GNAO1: variants seen among roughly 807,000 people sequenced by gnomAD.
GNAO1 encodes the protein guanine nucleotide-binding protein G(o) subunit alpha.
For missense variants in GNAO1, 166 were observed against 478.7 expected, an observed-to-expected ratio of 0.35 and a Z score of 6.10; for synonymous variants, 164 against 180.7, an observed-to-expected ratio of 0.91 and a Z score of 0.74.
intron 2 of GNAO1, among the ~76,000 whole-genome samples, chr16:56,245,338 C>A (rs1277236280): frequency 6.6e-6 from 1 of 152,156 alleles, no homozygotes; most frequent in Admixed American, 6.5e-5. Flanking sequence ...CCTGACGTTC[C>A]ATTTGATTCA....
At chr16:56,284,951 C>T (rs1028068019) in intron 3 of GNAO1, among the ~76,000 whole-genome samples, 1 of 152,346 alleles carries the variant, frequency 6.6e-6, no homozygotes, top group South Asian at 2.1e-4. Flanking sequence ...ACAGCGGTGG[C>T]TCAGCCTGGA....
At chr16:56,197,681 A>G (rs1468527029) in intron 2 of GNAO1, among the ~76,000 whole-genome samples, 1 of 152,232 alleles carries the variant, frequency 6.6e-6, no homozygotes, top group Non-Finnish European at 1.5e-5. Flanking sequence ...CTATGTGTGA[A>G]CAGGGCTGGA....
At chr16:56,312,204 G>A (rs773671818) in intron 3 of GNAO1, among the ~76,000 whole-genome samples, 6 of 152,368 alleles carry the variant, frequency 3.9e-5, no homozygotes, top group Non-Finnish European at 7.3e-5. Flanking sequence ...GGGCTCCGGA[G>A]TCAGGCGGCT....
intron 2 of GNAO1, among the ~76,000 whole-genome samples, chr16:56,256,085 A>C (rs2036843527): frequency 6.6e-6 from 1 of 152,128 alleles, no homozygotes; most frequent in Non-Finnish European, 1.5e-5. Context: ...AGGACTTTGA[A>C]GCATGTTGTG....
At chr16:56,313,674 A>G (rs1017095873) in intron 3 of GNAO1, among the ~76,000 whole-genome samples, 18 of 152,310 alleles carry the variant, frequency 1.2e-4, no homozygotes, top group South Asian at 6.2e-4. Context: ...GGCAAATGGT[A>G]GTTTATTAAA....
Position 56,354,347 on chromosome 16 carries a change from A to C in GNAO1, c.878-519A>C, listed in dbSNP as rs1019413369. ...TGCTCAGCCTGTGTATGGTTGGTGCAAAAGTAATTGCAGTAATTGCAGTTT... is the reference window on the plus strand; with the variant it reads ...TGCTCAGCCTGTGTATGGTTGGTGCCAAAGTAATTGCAGTAATTGCAGTTT... On this transcript the variant is annotated intron_variant, in intron 7 of 8. Transcript: ENST00000262493. This position sits in a 1 kb window ranked among gnomAD's most constrained non-coding sequence, Gnocchi z 4.3. Among the ~76,000 whole-genome samples the C allele has an allele frequency of 7.3e-6, 1 of 136,672 alleles. No individual in the cohort carries two copies. The highest frequency in any genetic ancestry group is 2.5e-4 in the South Asian group (1 of 4,032). The allele number at this position is 136,672 out of a possible 152,430, so 89.7% of individuals were successfully genotyped here.
At chr16:56,322,354 C>A (rs1404078449) in intron 3 of GNAO1, among the ~76,000 whole-genome samples, 1 of 152,174 alleles carries the variant, frequency 6.6e-6, no homozygotes, top group Non-Finnish European at 1.5e-5. Flanking sequence ...GGGGCCGTAG[C>A]AGAAAGAATG....
At chr16:56,214,658 A>G (rs1482920715) in intron 2 of GNAO1, among the ~76,000 whole-genome samples, 1 of 152,202 alleles carries the variant, frequency 6.6e-6, no homozygotes, top group African/African-American at 2.4e-5. Context: ...TGGGAGTACC[A>G]ATTTCTGTCT....
intron 6 of GNAO1, chr16:56,344,362 G>C (rs1404560040): frequency 1.4e-5 from 14 of 1,035,928 alleles, no homozygotes; most frequent in African/African-American, 1.7e-5. Flanking sequence ...GGCAGGGTGG[G>C]GTCATAGGAG....
In GNAO1 at chr16:56,334,858, G is replaced by A; in HGVS notation, c.593+1G>A. Reference sequence around the variant, plus strand: ...TCACATTCAAGAACCTCCACTTCAGGTGAGGCCCAGAGAGGCCCCCAGGCC... The same window carrying A: ...TCACATTCAAGAACCTCCACTTCAGATGAGGCCCAGAGAGGCCCCCAGGCC... On this transcript the variant is annotated splice_donor_variant, in intron 5 of 8. Transcript: ENST00000262493. LOFTEE classifies it high-confidence loss of function. The A allele has an allele frequency of 6.2e-7, 1 of 1,613,780 alleles. No individual in the cohort carries two copies. Among genetic ancestry groups the A allele is most frequent in the East Asian group, 2.2e-5 (1 of 44,892 alleles).
intron 6 of GNAO1, chr16:56,346,192 C>T: frequency 1.0e-6 from 1 of 985,442 alleles, no homozygotes. Context: ...GAGAAATTCT[C>T]TCCCTGTGCA....
At chr16:56,297,555 GTGTGTGTGTGTGTGTGTATGCA>G (rs2143574962) in intron 3 of GNAO1, among the ~76,000 whole-genome samples, 1 of 151,882 alleles carries the variant, frequency 6.6e-6, no homozygotes, top group Non-Finnish European at 1.5e-5. Context: ...GTGTGTGTGT[GTGTGTGTGTGTGTGTGTATGCA>G]TGTGTTTAAA....
At chr16:56,212,550 A>G (rs2036399467) in intron 2 of GNAO1, among the ~76,000 whole-genome samples, 1 of 152,220 alleles carries the variant, frequency 6.6e-6, no homozygotes, top group Non-Finnish European at 1.5e-5. Flanking sequence ...AAACGACCAG[A>G]TTTGTCACAA....
Position 56,269,416 on chromosome 16 carries a change from C to T in GNAO1, c.162-6515C>T, listed in dbSNP as rs1184258867. Among the ~76,000 whole-genome samples, 10 of 152,260 alleles carry T rather than the reference C, an allele frequency of 6.6e-5. No individual in the cohort carries two copies. The East Asian group carries it at 1.5e-3, about 24-fold the overall frequency. ...GACGCGGGACGCCTGACTGACTGCA[C>T]GTTCTCCCCCGTCCCTCGTACCAAG... On this transcript the variant is annotated intron_variant, in intron 2 of 8. Coordinates refer to ENST00000262493, the MANE Select transcript of GNAO1 (RefSeq NM_020988.3).
At chr16:56,344,389 C>T (rs2037841710) in intron 6 of GNAO1, 1 of 1,016,054 alleles carries the variant, frequency 9.8e-7, no homozygotes, top group Non-Finnish European at 1.2e-6. Flanking sequence ...TTCAGCTTTG[C>T]CTGGGGTCTC....
Position 56,229,198 on chromosome 16 carries a change from G to GT in GNAO1, c.161+36589dup, listed in dbSNP as rs201283667. Among the ~76,000 whole-genome samples, 179 of 151,876 alleles carry GT rather than the reference G, an allele frequency of 1.2e-3. 4 individuals carry two copies. The East Asian group carries it at 0.032, about 27-fold the overall frequency. ...TATAGCCGACACCATTGCTGTTTTT[G>GT]TTTTTTTGTTTGTTTGTTTTGAGAT... On this transcript the variant is annotated intron_variant, in intron 2 of 8. Coordinates refer to ENST00000262493, the MANE Select transcript of GNAO1 (RefSeq NM_020988.3).
chr16:56,208,329 G>A (rs868435742), intron 2 of GNAO1, among the ~76,000 whole-genome samples: 3 of 152,072 alleles, frequency 2.0e-5, no homozygotes, highest in Non-Finnish European at 4.4e-5. Flanking sequence ...CACCAGCTGT[G>A]ACTATACTGT....
intron 2 of GNAO1, among the ~76,000 whole-genome samples, chr16:56,204,917 A>C (rs1469282909): frequency 6.6e-6 from 1 of 152,092 alleles, no homozygotes; most frequent in African/African-American, 2.4e-5. Context: ...ATAAGCTTCT[A>C]CTCAAGTCTT....
chr16:56,317,506 G>A lies in GNAO1; in HGVS notation c.304-11125G>A, dbSNP rs1567480895. On this transcript the variant is annotated intron_variant, in intron 3 of 8. Transcript: ENST00000262493. ...AGTGGATCAAGGAGAGAATGAATGG[G>A]TGGGAGGCGAGTTGGATCAAACAGG... Among the ~76,000 whole-genome samples the A allele has an allele frequency of 2.0e-5, 3 of 152,220 alleles. No individual in the cohort carries two copies. In the South Asian group the frequency reaches 6.2e-4, roughly 32 times the overall value.
Sources: allele counts gnomAD v4.1 joint callset (sites outside exome capture counted in the v4.1 genomes callset), GRCh38; gene constraint gnomAD v4.1.1; non-coding constraint Gnocchi (gnomAD v3.1); transcripts MANE v1.5; gene names NCBI Gene and HGNC (gene_info 2026-07-23, HGNC 2026-07-21).